Variants in GGTA1 observed in about 807,000 individuals in gnomAD.
The protein encoded by GGTA1 is inactive N-acetyllactosaminide alpha-1,3-galactosyltransferase.
Under a neutral mutation model 2.6 loss-of-function variants are expected in GGTA1, and 5 were observed. The observed-to-expected ratio is 1.92, with a 90% CI of 1.00 to 4.04. The LOEUF (loss-of-function observed/expected upper bound fraction) is 4.04. Among genes scored for constraint, GGTA1 ranks in the 30% most tolerant of loss-of-function variants. The pLI, the probability that GGTA1 is intolerant of heterozygous loss-of-function variation, is 0.00. For synonymous variants in GGTA1, 17 were observed against 5.0 expected, an observed-to-expected ratio of 3.38 and a Z score of -3.19; for missense variants, 50 against 16.7, an observed-to-expected ratio of 2.99 and a Z score of -3.47.
At chr9:121,473,681 T>C (rs1273519471) in intron 1 of GGTA1, among the ~76,000 whole-genome samples, 1 of 152,114 alleles carries the variant, frequency 6.6e-6, no homozygotes, top group Non-Finnish European at 1.5e-5. Context: ...ATCCCAGCAC[T>C]TTGGGAGGCC....
chr9:121,488,089 G>A (rs1369127364), intron 1 of GGTA1, among the ~76,000 whole-genome samples: 4 of 148,554 alleles, frequency 2.7e-5, no homozygotes, highest in Admixed American at 6.8e-5. Context: ...ACCAGAGGCA[G>A]GTTGTGGATG....
chr9:121,481,407 C>T (rs927266625), intron 1 of GGTA1, among the ~76,000 whole-genome samples: 11 of 151,976 alleles, frequency 7.2e-5, no homozygotes, highest in Admixed American at 6.6e-4. Flanking sequence ...GCCAAACTGG[C>T]AGGGGGCGGT....
downstream of GGTA1, among the ~76,000 whole-genome samples, chr9:121,452,891 T>C (rs2064885631): frequency 6.6e-6 from 1 of 152,196 alleles, no homozygotes; most frequent in Non-Finnish European, 1.5e-5. Context: ...CCTCTTCTAC[T>C]TTATTTTTTC....
intron 1 of GGTA1, among the ~76,000 whole-genome samples, chr9:121,496,344 T>G (rs1452436786): frequency 1.3e-5 from 2 of 152,184 alleles, no homozygotes; most frequent in African/African-American, 2.4e-5. Flanking sequence ...TGGCCCATAA[T>G]GGTCTCCATA....
At chr9:121,467,218 A>C (rs1390293678) in intron 2 of GGTA1, among the ~76,000 whole-genome samples, 2 of 152,226 alleles carry the variant, frequency 1.3e-5, no homozygotes, top group East Asian at 3.8e-4. Flanking sequence ...CAGGCATTGT[A>C]GTTTCAAAAG....
At chr9:121,492,010 G>T (rs1211672557) in intron 1 of GGTA1, among the ~76,000 whole-genome samples, 1 of 152,156 alleles carries the variant, frequency 6.6e-6, no homozygotes, top group Non-Finnish European at 1.5e-5. Flanking sequence ...GGACCTAGTA[G>T]GTGCTCAGTA....
At chr9:121,480,061 C>CTTTTCTTTTCTTTTCTTTTCTTTTCTTTT (rs58602847) in intron 1 of GGTA1, among the ~76,000 whole-genome samples, 1 of 139,828 alleles carries the variant, frequency 7.2e-6, no homozygotes, top group African/African-American at 2.6e-5. Flanking sequence ...CTTTTCTTTT[C>CTTTTCTTTTCTTTTCTTTTCTTTTCTTTT]TTTTTTTTTT....
At chr9:121,470,525 G>T (rs1828366582) in intron 1 of GGTA1, among the ~76,000 whole-genome samples, 1 of 152,220 alleles carries the variant, frequency 6.6e-6, no homozygotes, top group African/African-American at 2.4e-5. Context: ...CATGCAGTTG[G>T]AAGAGTTGTT....
At chr9:121,462,416 T>C (rs2064968105) in intron 3 of GGTA1, among the ~76,000 whole-genome samples, 1 of 152,116 alleles carries the variant, frequency 6.6e-6, no homozygotes, top group African/African-American at 2.4e-5. Flanking sequence ...GATGGACAAA[T>C]ACGGTGGTGA....
In GGTA1 at chr9:121,464,598, A is replaced by G. The variant is rs145873527; in HGVS notation, c.81-1270T>C. ...TGCATCAGCCTTCCAAAGTACTGAGACTCCATCTCAAAACAAAAACAAAAA... is the reference window on the plus strand; with the variant it reads ...TGCATCAGCCTTCCAAAGTACTGAGGCTCCATCTCAAAACAAAAACAAAAA... On this transcript the variant is annotated intron_variant, in intron 2 of 5. Transcript: ENST00000481799. 2.7e-4 allele frequency among the ~76,000 whole-genome samples: 33 copies of G among 122,138 alleles called. No individual in the cohort carries two copies. The East Asian group carries it at 6.5e-3, about 24-fold the overall frequency. The allele number at this position is 122,138 out of a possible 152,430, so 80.1% of individuals were successfully genotyped here. A position where few individuals can be genotyped will look rare whatever the true frequency, so the allele number is the denominator to read the frequency against.
At chr9:121,493,343 C>T (rs1263411199) in intron 1 of GGTA1, among the ~76,000 whole-genome samples, 1 of 152,122 alleles carries the variant, frequency 6.6e-6, no homozygotes, top group Non-Finnish European at 1.5e-5. Context: ...GGGCTCCAAG[C>T]CACCCTATGT....
At chr9:121,483,726 T>C (rs1828700792) in intron 1 of GGTA1, among the ~76,000 whole-genome samples, 1 of 152,174 alleles carries the variant, frequency 6.6e-6, no homozygotes, top group African/African-American at 2.4e-5. Flanking sequence ...CTCACTGTTG[T>C]AGAGGCAGCT....
chr9:121,466,512 T>C (rs2065006072), intron 2 of GGTA1, among the ~76,000 whole-genome samples: 1 of 152,182 alleles, frequency 6.6e-6, no homozygotes, highest in Non-Finnish European at 1.5e-5. Flanking sequence ...CAAAGCAACA[T>C]TCCAGAAATG....
At chr9:121,466,953 CAAAA>C (rs397894554) in intron 2 of GGTA1, among the ~76,000 whole-genome samples, 5 of 99,950 alleles carry the variant, frequency 5.0e-5, no homozygotes, top group Non-Finnish European at 6.1e-5. Flanking sequence ...GACTCTGTCT[CAAAA>C]AAAAAAAAAA....
In GGTA1 at chr9:121,458,495, C is replaced by A. The variant is rs139876965; in HGVS notation, c.298+1609G>T. Among the ~76,000 whole-genome samples, 1,317 of 151,852 alleles carry A rather than the reference C, an allele frequency of 8.7e-3. 9 individuals carry two copies. The highest frequency in any genetic ancestry group is 0.028 in the South Asian group (132 of 4,792). ...TACAAAAATTAGCCAGGCGTGGTGG[C>A]GCATGCCTGTAGTCCCAGCTGCTTG... On this transcript the variant is annotated intron_variant, in intron 5 of 5. Coordinates refer to ENST00000481799, the MANE Select transcript of GGTA1 (RefSeq NM_001382585.1).
chr9:121,494,008 T>G (rs1029405902), intron 1 of GGTA1, among the ~76,000 whole-genome samples: 1 of 152,088 alleles, frequency 6.6e-6, no homozygotes, highest in Admixed American at 6.6e-5. Flanking sequence ...CTGCCCGCCT[T>G]GGCCTCCCAG....
chr9:121,448,318 C>G (rs1303405853), intron 7 of GGTA1, among the ~76,000 whole-genome samples: 1 of 152,142 alleles, frequency 6.6e-6, no homozygotes, highest in Non-Finnish European at 1.5e-5. Flanking sequence ...CTTGGATCCA[C>G]TGGGGATGCA....
downstream of GGTA1, among the ~76,000 whole-genome samples, chr9:121,451,410 C>T (rs1274622549): frequency 6.6e-6 from 1 of 152,224 alleles, no homozygotes; most frequent in Non-Finnish European, 1.5e-5. Context: ...TGGTCTCGAT[C>T]TCCTGACCTC....
chr9:121,473,953 GAGA>G, intron 1 of GGTA1, among the ~76,000 whole-genome samples: 1 of 139,584 alleles, frequency 7.2e-6, no homozygotes, highest in Admixed American at 7.2e-5. Flanking sequence ...GAGAGAGAGA[GAGA>G]GAGGGAGGGA....
Sources: allele counts gnomAD v4.1 joint callset (sites outside exome capture counted in the v4.1 genomes callset), GRCh38; gene constraint gnomAD v4.1.1; transcripts MANE v1.5; gene names NCBI Gene and HGNC (gene_info 2026-07-23, HGNC 2026-07-21).